Variants in AFG1L observed in about 807,000 individuals in gnomAD.
AFG1L encodes AFG1 like ATPase, also known as AFG1-like ATPase.
In AFG1L, 53 loss-of-function variants were observed where a neutral mutation model predicts 62.2. The observed-to-expected ratio is 0.85, with a 90% CI of 0.68 to 1.07. AFG1L has a LOEUF of 1.07. AFG1L is among the 50% of genes least tolerant of loss of function. AFG1L has a pLI of 0.00. For missense variants in AFG1L, 555 were observed against 590.5 expected (o/e 0.94, Z 0.62); for synonymous variants, 228 against 210.3 (o/e 1.08, Z -0.73).
chr6:108,450,014 G>A (rs558074409), intron 8 of AFG1L, among the ~76,000 whole-genome samples: 12 of 152,218 alleles, frequency 7.9e-5, no homozygotes, highest in African/African-American at 2.9e-4. Context: ...TTGGACATTT[G>A]GGTTGGTTCC....
intron 2 of AFG1L, among the ~76,000 whole-genome samples, chr6:108,334,071 G>A (rs1433213603): frequency 1.3e-5 from 2 of 152,044 alleles, no homozygotes; most frequent in Admixed American, 6.6e-5. Flanking sequence ...TCAGTGGTGC[G>A]ATCTCGGCTC....
At chr6:108,313,159 G>A (rs1002049332) in intron 1 of AFG1L, among the ~76,000 whole-genome samples, 9 of 152,100 alleles carry the variant, frequency 5.9e-5, no homozygotes, top group African/African-American at 1.7e-4. Flanking sequence ...GAGCTGAAAC[G>A]GTGGAGTCAG....
chr6:108,295,214 GA>G lies in AFG1L; in HGVS notation c.138del (p.Ala47ProfsTer10). 6.2e-7 allele frequency: 1 copy of G among 1,602,810 alleles called. No homozygotes were observed. The highest frequency in any genetic ancestry group is 2.2e-5 in the East Asian group (1 of 44,854). On this transcript the variant is annotated frameshift_variant, in exon 1 of 13. Transcript: ENST00000368977. LOFTEE classifies it high-confidence loss of function. ...LATAPGKPFW[K>X]AYTVQTSESM... is the part of the protein sequence containing the mutation. Reference sequence around the variant, plus strand: ...CCACCGCCCCTGGGAAGCCCTTTTGGAAAGGTCAGTGACTGTGCCATGAGTA... The same window carrying G: ...CCACCGCCCCTGGGAAGCCCTTTTGGAAGGTCAGTGACTGTGCCATGAGTA...
chr6:108,399,174 GTTTGTT>G (rs1781444811), intron 6 of AFG1L, among the ~76,000 whole-genome samples: 2 of 51,414 alleles, frequency 3.9e-5, no homozygotes, highest in African/African-American at 8.4e-5. Context: ...CACTTCTTTT[GTTTGTT>G]TTTTTTTTTT....
chr6:108,359,817 A>G (rs1041535106), intron 5 of AFG1L: 2 of 152,234 alleles, frequency 1.3e-5, no homozygotes, highest in African/African-American at 4.8e-5. Flanking sequence ...TGCCATCAGT[A>G]TTGTCCCCAT....
At chr6:108,388,244 G>A (rs1463339981) in intron 6 of AFG1L, among the ~76,000 whole-genome samples, 3 of 152,046 alleles carry the variant, frequency 2.0e-5, no homozygotes, top group Admixed American at 1.3e-4. Context: ...ATTTTTTATT[G>A]CGTCTATTTG....
At chr6:108,444,752 A>ACAGTATGG (rs1171633999) in intron 7 of AFG1L, among the ~76,000 whole-genome samples, 2 of 152,354 alleles carry the variant, frequency 1.3e-5, no homozygotes, top group East Asian at 3.9e-4. Flanking sequence ...CATACTGTAA[A>ACAGTATGG]CAGATGTGCT....
intron 7 of AFG1L, among the ~76,000 whole-genome samples, chr6:108,421,443 T>G (rs1209999648): frequency 6.6e-6 from 1 of 152,064 alleles, no homozygotes; most frequent in Non-Finnish European, 1.5e-5. Context: ...AATAGATAAT[T>G]AGGCGTAATT....
At chr6:108,331,785 G>C (rs1227436884) in intron 2 of AFG1L, among the ~76,000 whole-genome samples, 2 of 152,146 alleles carry the variant, frequency 1.3e-5, no homozygotes, top group Non-Finnish European at 2.9e-5. Context: ...GAATTAAATA[G>C]AGTATGGAGC....
At chr6:108,509,541 G>C (rs914180892) in intron 10 of AFG1L, among the ~76,000 whole-genome samples, 1 of 152,206 alleles carries the variant, frequency 6.6e-6, no homozygotes, top group African/African-American at 2.4e-5. Flanking sequence ...CACGGGAAGG[G>C]TTTATTAGGA....
At chr6:108,456,084 C>G (rs1041719857) in intron 8 of AFG1L, among the ~76,000 whole-genome samples, 7 of 152,022 alleles carry the variant, frequency 4.6e-5, no homozygotes, top group African/African-American at 1.7e-4. Context: ...ACAGTTCTGT[C>G]TGGTTTTGCT....
Position 108,347,022 on chromosome 6 carries a change from ATG to A in AFG1L, c.400_401del (p.Val134LeufsTer44). The stretch of plus-strand genomic sequence containing the variant: ...AGGAGCAAACCTCCAAGGGGCCTGT[ATG>A]TTTATGGAGATGTTGGTAAGTGTGT... On this transcript the variant is annotated frameshift_variant, in exon 3 of 13. Coordinates refer to ENST00000368977, the MANE Select transcript of AFG1L (RefSeq NM_145315.5). LOFTEE classifies it high-confidence loss of function. 1.2e-6 allele frequency: 2 copies of A among 1,613,502 alleles called. No individual in the cohort carries two copies. The highest frequency in any genetic ancestry group is 8.5e-7 in the Non-Finnish European group (1 of 1,179,612).
intron 7 of AFG1L, among the ~76,000 whole-genome samples, chr6:108,445,804 T>A (rs539346832): frequency 9.2e-5 from 14 of 152,204 alleles, no homozygotes; most frequent in African/African-American, 3.4e-4. Flanking sequence ...AGATCACTGA[T>A]CACATAATAT....
chr6:108,410,752 G>A (rs1393754007), intron 7 of AFG1L, among the ~76,000 whole-genome samples: 2 of 152,116 alleles, frequency 1.3e-5, no homozygotes, highest in Non-Finnish European at 2.9e-5. Context: ...ATCATATTAT[G>A]TGAGAACTTC....
chr6:108,389,137 T>G (rs1274511747), intron 6 of AFG1L, among the ~76,000 whole-genome samples: 1 of 152,230 alleles, frequency 6.6e-6, no homozygotes, highest in Non-Finnish European at 1.5e-5. Context: ...TGTAATGGCC[T>G]TCTTTGTCTC....
At chr6:108,461,139 A>C (rs1316945260) in intron 8 of AFG1L, among the ~76,000 whole-genome samples, 1 of 152,274 alleles carries the variant, frequency 6.6e-6, no homozygotes, top group Non-Finnish European at 1.5e-5. Context: ...AGAAATACAA[A>C]GTATTCAAAC....
At chr6:108,511,168 A>C (rs1289391047) in intron 11 of AFG1L, among the ~76,000 whole-genome samples, 3 of 151,026 alleles carry the variant, frequency 2.0e-5, no homozygotes, top group Non-Finnish European at 2.9e-5. Flanking sequence ...GGAGGAAGGA[A>C]GAAGGAAGAA....
At chr6:108,442,067 A>G (rs1771576326) in intron 7 of AFG1L, among the ~76,000 whole-genome samples, 1 of 152,072 alleles carries the variant, frequency 6.6e-6, no homozygotes, top group South Asian at 2.1e-4. Context: ...GTGACACTGT[A>G]TTTGATGTCT....
intron 1 of AFG1L, among the ~76,000 whole-genome samples, chr6:108,302,264 G>A (rs1054380950): frequency 1.3e-5 from 2 of 152,052 alleles, no homozygotes; most frequent in African/African-American, 4.8e-5. Context: ...TTTAATAACA[G>A]GTATACCACA....
Sources: gnomAD v4.1 joint callset for allele counts (sites outside exome capture counted in the v4.1 genomes callset) on GRCh38, gnomAD v4.1.1 for gene constraint, MANE v1.5 for transcripts, NCBI Gene and HGNC (gene_info 2026-07-23, HGNC 2026-07-21) for gene names.